CTNND2: variants seen among roughly 807,000 people sequenced by gnomAD.
CTNND2 encodes catenin delta-2.
A neutral mutation model predicts 144.4 loss-of-function variants in CTNND2; 22 were observed. The observed-to-expected ratio is 0.15, with a 90% CI of 0.11 to 0.22. The LOEUF (loss-of-function observed/expected upper bound fraction) is 0.22, where lower values mean the gene tolerates loss of function less well. Ranked by LOEUF, CTNND2 falls within the 10% of genes least tolerant of loss-of-function variation. The probability of loss-of-function intolerance (pLI) is 1.00; values close to 1 mark genes in which losing one functional copy is unlikely to be tolerated. For missense variants in CTNND2, 1,353 were observed against 1,618.8 expected, an observed-to-expected ratio of 0.84 and a Z score of 2.82; for synonymous variants, 751 against 695.6, an observed-to-expected ratio of 1.08 and a Z score of -1.25.
chr5:11,197,005 G>A (rs1736924028), intron 11 of CTNND2, among the ~76,000 whole-genome samples: 1 of 152,124 alleles, frequency 6.6e-6, no homozygotes, highest in South Asian at 2.1e-4. Flanking sequence ...AGGTTTCCAG[G>A]CCCCCTCAGG....
chr5:11,515,152 C>T (rs1285668210), intron 3 of CTNND2, among the ~76,000 whole-genome samples: 3 of 149,510 alleles, frequency 2.0e-5, no homozygotes. Flanking sequence ...ATGGGAGGTG[C>T]TTTTCTCTGC....
chr5:11,720,469 T>C (rs1459089352), intron 2 of CTNND2, among the ~76,000 whole-genome samples: 1 of 152,142 alleles, frequency 6.6e-6, no homozygotes, highest in Non-Finnish European at 1.5e-5. Context: ...TGTACAACAG[T>C]TATTGAACAA....
chr5:11,126,554 A>G (rs1754697067), intron 12 of CTNND2, among the ~76,000 whole-genome samples: 1 of 152,172 alleles, frequency 6.6e-6, no homozygotes, highest in Non-Finnish European at 1.5e-5. Flanking sequence ...GGATAAACTG[A>G]TGAGAGTACC....
chr5:11,893,922 C>T lies in CTNND2; in HGVS notation c.37+9895G>A, dbSNP rs76642559. Among the ~76,000 whole-genome samples the T allele has an allele frequency of 5.8e-3, 886 of 152,266 alleles. 8 individuals carry two copies. The highest frequency in any genetic ancestry group is 0.017 in the South Asian group (81 of 4,824). On this transcript the variant is annotated intron_variant, in intron 1 of 21. Transcript: ENST00000304623. The stretch of plus-strand genomic sequence containing the variant: ...GAAGATTAGCATCCCCTCTCAAGTA[C>T]CTAAAACTTTGTAACTCACTAAGTA...
At chr5:11,042,904 C>G (rs1227377601) in intron 16 of CTNND2, among the ~76,000 whole-genome samples, 2 of 152,146 alleles carry the variant, frequency 1.3e-5, no homozygotes, top group Non-Finnish European at 1.5e-5. Flanking sequence ...CTTACAAAAG[C>G]CTTGTCCCCC....
intron 11 of CTNND2, among the ~76,000 whole-genome samples, chr5:11,191,694 C>T (rs1736257280): frequency 6.6e-6 from 1 of 152,214 alleles, no homozygotes; most frequent in Non-Finnish European, 1.5e-5. Context: ...TTTTAGGCCA[C>T]AGCTCTGACA....
intron 9 of CTNND2, among the ~76,000 whole-genome samples, chr5:11,326,893 C>T (rs1010908920): frequency 6.6e-6 from 1 of 152,174 alleles, no homozygotes. Context: ...GCATTTCGAA[C>T]AGTGAACTCT....
intron 1 of CTNND2, among the ~76,000 whole-genome samples, chr5:11,902,739 G>C (rs1413625452): frequency 6.6e-6 from 1 of 151,982 alleles, no homozygotes; most frequent in Non-Finnish European, 1.5e-5. Context: ...ACACCTGCCA[G>C]AGCTAAGGCG....
At chr5:11,590,892 T>G (rs1260904023) in intron 2 of CTNND2, among the ~76,000 whole-genome samples, 1 of 152,256 alleles carries the variant, frequency 6.6e-6, no homozygotes. Context: ...ACAGGCTTGT[T>G]GCTCACACTA....
At chr5:11,698,553 C>T (rs1785247224) in intron 2 of CTNND2, among the ~76,000 whole-genome samples, 1 of 152,104 alleles carries the variant, frequency 6.6e-6, no homozygotes, top group Non-Finnish European at 1.5e-5. Context: ...TCCCAAAATG[C>T]TGGGATTACA....
chr5:11,178,402 T>C (rs924022771), intron 11 of CTNND2, among the ~76,000 whole-genome samples: 2 of 152,218 alleles, frequency 1.3e-5, no homozygotes, highest in African/African-American at 4.8e-5. Flanking sequence ...AAGAGGGATT[T>C]ATTGAACTCC....
intron 3 of CTNND2, among the ~76,000 whole-genome samples, chr5:11,490,500 G>C (rs1386803095): frequency 6.6e-6 from 1 of 152,054 alleles, no homozygotes; most frequent in African/African-American, 2.4e-5. Flanking sequence ...CAAAATGCCA[G>C]ATGTAATGAG....
intron 3 of CTNND2, among the ~76,000 whole-genome samples, chr5:11,434,017 A>C (rs780318830): frequency 6.6e-6 from 1 of 152,244 alleles, no homozygotes; most frequent in Non-Finnish European, 1.5e-5. Flanking sequence ...AAAGACTTGT[A>C]AAAGAATGTA....
intron 1 of CTNND2, among the ~76,000 whole-genome samples, chr5:11,795,179 A>G (rs889145189): frequency 6.6e-6 from 1 of 152,200 alleles, no homozygotes; most frequent in African/African-American, 2.4e-5. Flanking sequence ...GAGGGCAAGT[A>G]AGCCTTACTG....
At chr5:11,510,546 ACT>A (rs1018704039) in intron 3 of CTNND2, among the ~76,000 whole-genome samples, 2 of 152,182 alleles carry the variant, frequency 1.3e-5, no homozygotes, top group African/African-American at 4.8e-5. Flanking sequence ...TATTATTAGG[ACT>A]CTCTATAATT....
chr5:11,205,502 C>T (rs1322329830), intron 10 of CTNND2, among the ~76,000 whole-genome samples: 2 of 151,970 alleles, frequency 1.3e-5, no homozygotes, highest in East Asian at 3.9e-4. Flanking sequence ...TGCTTATAAG[C>T]TACTGGAAGA....
intron 20 of CTNND2, chr5:10,986,690 C>A (rs986989928): frequency 5.5e-5 from 25 of 456,142 alleles, no homozygotes; most frequent in African/African-American, 5.0e-4. Flanking sequence ...GTCTCAGGAG[C>A]AGCGCTGAGG....
intron 8 of CTNND2, among the ~76,000 whole-genome samples, chr5:11,354,126 T>C (rs1349357584): frequency 2.0e-5 from 3 of 152,104 alleles, no homozygotes; most frequent in Non-Finnish European, 4.4e-5. Flanking sequence ...TGAGAAGAGA[T>C]GCATTATTCA....
intron 11 of CTNND2, among the ~76,000 whole-genome samples, chr5:11,177,315 T>G (rs1298157585): frequency 6.6e-6 from 1 of 152,186 alleles, no homozygotes; most frequent in East Asian, 1.9e-4. Flanking sequence ...ATAGGAAAAT[T>G]GATATTCAAT....
Sources: allele counts gnomAD v4.1 joint callset (sites outside exome capture counted in the v4.1 genomes callset), GRCh38; gene constraint gnomAD v4.1.1; transcripts MANE v1.5; gene names NCBI Gene and HGNC (gene_info 2026-07-23, HGNC 2026-07-21).